The following SLC6A4 variants were observed in gnomAD, a reference collection of about 807,000 sequenced individuals.
SLC6A4 encodes solute carrier family 6 member 4, also known as sodium-dependent serotonin transporter.
In SLC6A4, 22 loss-of-function variants were observed where a neutral mutation model predicts 73.4. The ratio of observed to expected loss-of-function variants is 0.30; its 90% CI spans 0.21 to 0.43. The LOEUF is 0.43. Ranked by LOEUF, SLC6A4 falls within the 20% of genes least tolerant of loss-of-function variation. The pLI, the probability that SLC6A4 is intolerant of heterozygous loss-of-function variation, is 1.00. For missense variants in SLC6A4, 593 were observed against 808.5 expected, an observed-to-expected ratio of 0.73 and a Z score of 3.23; for synonymous variants, 270 against 315.5, an observed-to-expected ratio of 0.86 and a Z score of 1.53.
chr17:30,200,202 T>A (rs1018612317), intron 14 of SLC6A4, among the ~76,000 whole-genome samples: 10 of 152,240 alleles, frequency 6.6e-5, no homozygotes, highest in Non-Finnish European at 2.9e-5. Flanking sequence ...CCTACCCACA[T>A]GGGCTGCTGC....
At chr17:30,212,929 T>A (rs982796283) in intron 8 of SLC6A4, 62 bp from the exon 9 acceptor site, 13 of 1,579,104 alleles carry the variant, frequency 8.2e-6, no homozygotes, top group Non-Finnish European at 1.1e-5. Flanking sequence ...CTAAGGAGCA[T>A]CTGTCCGTGT....
Position 30,218,227 on chromosome 17 carries a change from A to G in SLC6A4, c.589T>C (p.Trp197Arg). ...TTCCAGGAGTTCTTGCAGCTGGTCC[A>G]GGGCAGCTGGTCCGTGAAGGAGGAG... ...LISSFTDQLP[W>R]TSCKNSWNTG... Residue 197 changes from tryptophan to arginine, a missense_variant, in exon 5 of 15, where the codon TGG becomes CGG. Physicochemically the swap from Trp to Arg is moderately radical, Grantham distance 101. Transcript: ENST00000650711. The G allele has an allele frequency of 6.2e-7, 1 of 1,614,146 alleles. No homozygotes were observed. Among genetic ancestry groups the G allele is most frequent in the Non-Finnish European group, 8.5e-7 (1 of 1,179,982 alleles).
intron 1 of SLC6A4, among the ~76,000 whole-genome samples, chr17:30,229,381 C>G: frequency 6.6e-6 from 1 of 152,132 alleles, no homozygotes; most frequent in East Asian, 1.9e-4. Flanking sequence ...TTGTTAAGTG[C>G]TACACGACGG....
rs1905932150 is a variant in SLC6A4 at position 30,198,459 on chromosome 17, C to A, written c.1890G>T (p.Val630=). ...IPCGDIRLNA[V] ...CTTTTTCCTCTCGGTGAGTGTGTTA[C>A]ACAGCATTCAAGCGGATGTCCCCAC... The change falls in exon 15 of 15, where the codon GTG becomes GTT. Residue 630 remains valine, a synonymous_variant. Transcript: ENST00000650711. 1 of 1,594,568 alleles carries A rather than the reference C, an allele frequency of 6.3e-7. No homozygotes were observed.
chr17:30,226,698 C>T (rs62068666), intron 1 of SLC6A4, among the ~76,000 whole-genome samples: 3 of 151,760 alleles, frequency 2.0e-5, no homozygotes, highest in Admixed American at 1.3e-4. Flanking sequence ...GAAACTCTGT[C>T]TCAAATAAAT....
intron 14 of SLC6A4, among the ~76,000 whole-genome samples, chr17:30,201,452 C>G (rs550548834): frequency 6.6e-6 from 1 of 152,154 alleles, no homozygotes; most frequent in Non-Finnish European, 1.5e-5. Flanking sequence ...TCCCTTGTGG[C>G]CAACTGGGGG....
At chr17:30,231,388 G>A (rs1049191551) in intron 1 of SLC6A4, among the ~76,000 whole-genome samples, 3 of 150,778 alleles carry the variant, frequency 2.0e-5, no homozygotes, top group South Asian at 2.1e-4. Flanking sequence ...TACATATAGT[G>A]TATACAGACA....
At chr17:30,209,331 A>G (rs1353558564) in intron 11 of SLC6A4, 89 bp from the exon 12 acceptor site, 1 of 817,174 alleles carries the variant, frequency 1.2e-6, no homozygotes, top group Non-Finnish European at 2.0e-6. Context: ...CTCACTTAGA[A>G]TCATTCTGGA....
Position 30,219,017 on chromosome 17 carries a change from C to T in SLC6A4, c.344-86G>A, listed in dbSNP as rs139534885. On this transcript the variant is annotated intron_variant, in intron 3 of 14. Coordinates refer to ENST00000650711, the MANE Select transcript of SLC6A4 (RefSeq NM_001045.6). ...AATCTGTGACTGAGAATCACAGTCG[C>T]CGGATGATGTGAGTGTCAGGAGCCA... 10 of 1,547,414 alleles carry T rather than the reference C, an allele frequency of 6.5e-6. No individual in the cohort carries two copies. In the African/African-American group the frequency reaches 1.2e-4, roughly 19 times the overall value.
chr17:30,222,483 T>C lies in SLC6A4; in HGVS notation c.-124+336A>G, dbSNP rs1414924892. Among the ~76,000 whole-genome samples the C allele has an allele frequency of 2.0e-5, 3 of 152,178 alleles. No individual in the cohort carries two copies. The East Asian group carries it at 5.8e-4, about 29-fold the overall frequency. On this transcript the variant is annotated intron_variant, in intron 2 of 14. Coordinates refer to ENST00000650711, the MANE Select transcript of SLC6A4 (RefSeq NM_001045.6). ...CACCCCCTTTGTCTTGGATGCTATG[T>C]TGGGGAAACAATGACAAGCAAAGGC...
intron 1 of SLC6A4, among the ~76,000 whole-genome samples, chr17:30,230,095 A>AGAAGAAGAAGAAGAG (rs1288713816): frequency 5.1e-5 from 6 of 118,226 alleles, no homozygotes; most frequent in Middle Eastern, 3.7e-3. Context: ...AAGAAGAAGA[A>AGAAGAAGAAGAAGAG]GAGGAGGAAG....
At chr17:30,222,715 T>C (rs1440166641) in intron 2 of SLC6A4, 104 bp downstream of exon 2, 4 of 1,046,254 alleles carry the variant, frequency 3.8e-6, no homozygotes, top group Admixed American at 2.3e-5. Context: ...TGGGGCAGAT[T>C]TGAGCTGCCT....
chr17:30,221,771 A>T lies in SLC6A4; in HGVS notation c.188T>A (p.Ile63Asn). ...PGAGDDTRHSIPATTTTLVAE... is the reference protein window; with the variant it reads ...PGAGDDTRHSNPATTTTLVAE... ...CACTAGGGTGGTGGTGGTCGCTGGG[A>T]TAGAGTGCCGTGTGTCATCTCCCGC... Residue 63 changes from isoleucine to asparagine, a missense_variant, in exon 3 of 15, where the codon ATC becomes AAC. Ile to Asn is a moderately radical substitution (Grantham distance 149). Coordinates refer to ENST00000650711, the MANE Select transcript of SLC6A4 (RefSeq NM_001045.6). 6.2e-7 allele frequency: 1 copy of T among 1,614,134 alleles called. No individual in the cohort carries two copies. Among genetic ancestry groups the T allele is most frequent in the South Asian group, 1.1e-5 (1 of 91,070 alleles).
At chr17:30,223,537 A>G (rs942819195) in intron 1 of SLC6A4, among the ~76,000 whole-genome samples, 1 of 152,246 alleles carries the variant, frequency 6.6e-6, no homozygotes, top group African/African-American at 2.4e-5. Context: ...CATGAACACC[A>G]GGCAATGTCA....
At chr17:30,232,021 G>C (rs1159264581) in intron 1 of SLC6A4, among the ~76,000 whole-genome samples, 1 of 152,066 alleles carries the variant, frequency 6.6e-6, no homozygotes, top group Non-Finnish European at 1.5e-5. Flanking sequence ...ACCCCTCCCT[G>C]GTCCTTCCAG....
intron 2 of SLC6A4, among the ~76,000 whole-genome samples, chr17:30,222,464 C>T (rs989891151): frequency 1.3e-5 from 2 of 152,174 alleles, no homozygotes; most frequent in Non-Finnish European, 1.5e-5. Flanking sequence ...AGAGCACCCC[C>T]TTTGTCTTGG....
intron 13 of SLC6A4, among the ~76,000 whole-genome samples, chr17:30,205,287 C>G (rs1017634105): frequency 6.6e-6 from 1 of 152,130 alleles, no homozygotes; most frequent in African/African-American, 2.4e-5. Flanking sequence ...GCCTTCAAGT[C>G]TCCCCTAGAC....
Position 30,198,537 on chromosome 17 carries a change from G to A in SLC6A4, c.1819-7C>T. 6.6e-7 allele frequency: 1 copy of A among 1,508,916 alleles called. No homozygotes were observed. Among genetic ancestry groups the A allele is most frequent in the Non-Finnish European group, 9.2e-7 (1 of 1,088,488 alleles). The allele number at this position is 1,508,916 out of a possible 1,614,324, so 93.5% of individuals were successfully genotyped here. ...TAATACTTTTAATAATACGCTATTG[G>A]GAAGAAAATACAATGTTATAAACAT... On this transcript the variant is annotated splice_polypyrimidine_tract_variant and splice_region_variant and intron_variant, in intron 14 of 14. Coordinates refer to ENST00000650711, the MANE Select transcript of SLC6A4 (RefSeq NM_001045.6).
At chr17:30,202,869 G>A (rs1906078834) in intron 14 of SLC6A4, among the ~76,000 whole-genome samples, 1 of 152,136 alleles carries the variant, frequency 6.6e-6, no homozygotes, top group African/African-American at 2.4e-5. Flanking sequence ...ATGCCCAGTG[G>A]CAAGCAGGAG....
Sources: allele counts gnomAD v4.1 joint callset (sites outside exome capture counted in the v4.1 genomes callset), GRCh38; gene constraint gnomAD v4.1.1; transcripts MANE v1.5; gene names NCBI Gene and HGNC (gene_info 2026-07-23, HGNC 2026-07-21).